The following HTATSF1 variants were observed in gnomAD, a reference collection of about 807,000 sequenced individuals.
The protein encoded by HTATSF1 is 17S U2 SnRNP complex component HTATSF1.
A neutral mutation model predicts 46.1 loss-of-function variants in HTATSF1; 6 were observed. The observed-to-expected ratio is 0.13, with a 90% confidence interval of 0.07 to 0.26. The LOEUF is 0.26. Among genes scored for constraint, HTATSF1 ranks in the 10% least tolerant of loss-of-function variants. HTATSF1 has a pLI of 1.00. For missense variants in HTATSF1, 452 were observed against 559.9 expected (o/e 0.81, Z 1.94); for synonymous variants, 226 against 211.5 (o/e 1.07, Z -0.60).
rs1466678944 is a variant in HTATSF1, at chrX:136,497,764, A to G, written c.80A>G (p.Asp27Gly). 1 of 1,205,354 alleles carries G rather than the reference A, an allele frequency of 8.3e-7. No homozygotes were observed. The highest frequency in any genetic ancestry group is 1.1e-6 in the Non-Finnish European group (1 of 890,597). The change falls in exon 1 of 9, where the codon GAT becomes GGT. Residue 27 changes from aspartate to glycine, a missense_variant. By Grantham distance (94) the Asp-to-Gly change is moderately conservative. Transcript: ENST00000218364. ...CAAGAATTGTACGGAGACGGCAAGG[A>G]TGGTGACACCCAGACCGATGCCGGC... is the stretch of plus-strand genomic sequence containing the variant. ...RMQELYGDGK[D>G]GDTQTDAGGE...
At chrX:136,510,056 CT>C in intron 7 of HTATSF1, 25 bp from the exon 8 acceptor site, 10 of 1,172,443 alleles carry the variant, frequency 8.5e-6, no homozygotes, top group Middle Eastern at 2.4e-4. Flanking sequence ...TCATTCATTC[CT>C]TTTTTTTCTT....
At chrX:136,497,580 C>A, upstream of HTATSF1, 1 of 665,890 alleles carries the variant, frequency 1.5e-6, no homozygotes, top group Non-Finnish European at 2.1e-6. Flanking sequence ...CGGGGGGCGG[C>A]GGGGCGCGAG....
At chrX:136,505,225 A>G (rs776175846) in intron 6 of HTATSF1, among the ~76,000 whole-genome samples, 1 of 112,489 alleles carries the variant, frequency 8.9e-6, no homozygotes, top group African/African-American at 3.2e-5. Flanking sequence ...AAAAATGTTC[A>G]TAACGTAAAA....
chrX:136,499,757 G>A lies in HTATSF1; in HGVS notation c.346G>A (p.Glu116Lys), dbSNP rs1373260495. 3 of 1,173,075 alleles carry A rather than the reference G, an allele frequency of 2.6e-6. No homozygotes were observed. The highest frequency in any genetic ancestry group is 2.9e-5 in the Admixed American group (1 of 34,877). ...PEPTDARKKG[E>K]KRKAESGWFH... ...ACCCACTGATGCCAGAAAGAAGGGAGAAAAAAGAAAGGCTGAGTCAGGTAA... is the reference window on the plus strand; with the variant it reads ...ACCCACTGATGCCAGAAAGAAGGGAAAAAAAAGAAAGGCTGAGTCAGGTAA... Residue 116 changes from glutamate (E) to lysine (K), a missense_variant, in exon 2 of 9, where the codon GAA (glutamate) becomes AAA (lysine). Physicochemically the swap from Glu to Lys is moderately conservative, Grantham distance 56. Coordinates refer to ENST00000218364, the MANE Select transcript of HTATSF1 (RefSeq NM_014500.5).
intron 1 of HTATSF1, among the ~76,000 whole-genome samples, chrX:136,499,023 C>T (rs1038072971): frequency 8.9e-6 from 1 of 112,972 alleles, no homozygotes; most frequent in Non-Finnish European, 1.9e-5. Context: ...TAAAATATAA[C>T]GTCATTTAAT....
chrX:136,497,343 C>CGGCGGCGGCGGCGGT (rs1226066132), upstream of HTATSF1: 59 of 114,845 alleles, frequency 5.1e-4, no homozygotes, highest in Non-Finnish European at 8.8e-4. Context: ...CAGATCCGGT[C>CGGCGGCGGCGGCGGT]GGCGGCGGCG....
chrX:136,497,342 T>TCGGCGGCGGCGGCGGTGG (rs1423829358), upstream of HTATSF1: 5 of 115,142 alleles, frequency 4.3e-5, no homozygotes, highest in African/African-American at 9.7e-5. Flanking sequence ...TCAGATCCGG[T>TCGGCGGCGGCGGCGGTGG]CGGCGGCGGC....
intron 5 of HTATSF1, among the ~76,000 whole-genome samples, chrX:136,503,410 T>C (rs2148521170): frequency 8.9e-6 from 1 of 112,404 alleles, no homozygotes; most frequent in African/African-American, 3.2e-5. Context: ...GTTTGTTTAA[T>C]ATACTTTGAA....
At position 136,499,593 on chromosome X, in the gene HTATSF1, T is replaced by C. The variant is rs753231897; in HGVS notation, c.187-5T>C. ...CTGTCCGGGTCTGTTGAATTGCTTG[T>C]GTAGATTACTGAAGATTTCATTGCT... On this transcript the variant is annotated splice_polypyrimidine_tract_variant and splice_region_variant and intron_variant, in intron 1 of 8. Coordinates refer to ENST00000218364, the MANE Select transcript of HTATSF1 (RefSeq NM_014500.5). The C allele has an allele frequency of 4.3e-6, 5 of 1,157,268 alleles. No homozygotes were observed. The highest frequency in any genetic ancestry group is 5.7e-6 in the Non-Finnish European group (5 of 870,532).
chrX:136,499,474 A>G (rs1230760459), intron 1 of HTATSF1, 124 bp from the exon 2 acceptor site: 16 of 485,763 alleles, frequency 3.3e-5, no homozygotes, highest in East Asian at 1.6e-4. Context: ...AACTACAACT[A>G]TTATCCACAG....
intron 1 of HTATSF1, among the ~76,000 whole-genome samples, chrX:136,498,308 C>T (rs925190034): frequency 7.1e-5 from 8 of 111,892 alleles, no homozygotes; most frequent in African/African-American, 2.6e-4. Context: ...ACTAATTGAA[C>T]TTTCTTTGCA....
At position 136,511,607 on chromosome X, in the gene HTATSF1, A is replaced by G; in HGVS notation, c.1862A>G (p.Asp621Gly). 1.7e-6 allele frequency: 2 copies of G among 1,211,308 alleles called. No homozygotes were observed. Among genetic ancestry groups the G allele is most frequent in the Non-Finnish European group, 2.2e-6 (2 of 895,115 alleles). Residue 621 changes from aspartate to glycine, a missense_variant, in exon 9 of 9, where the codon GAC becomes GGC. Physicochemically the swap from Asp to Gly is moderately conservative, Grantham distance 94 (BLOSUM62 -1). This residue lies in a region of HTATSF1 where 246 missense variants were observed against 245.3 expected (regional missense o/e 1.00). Coordinates refer to ENST00000218364, the MANE Select transcript of HTATSF1 (RefSeq NM_014500.5). ...GAGGAAGGCTCTGAGAGAGAGTTTGACGAAGATTCAGATGAAAAGGAAGAA... is the reference window on the plus strand; with the variant it reads ...GAGGAAGGCTCTGAGAGAGAGTTTGGCGAAGATTCAGATGAAAAGGAAGAA... The part of the protein sequence containing the change: ...LDEEGSEREF[D>G]EDSDEKEEEE...
At position 136,511,921 on chromosome X, in the gene HTATSF1, A is replaced by G. The variant is rs1410615848; in HGVS notation, c.2176A>G (p.Thr726Ala). The stretch of plus-strand genomic sequence containing the variant: ...GTTTGACGATTCTGATGAGAGGGGG[A>G]CTTTGGGTGGTTTTGGGAGTGTTGA... ...KLFDDSDERG[T>A]LGGFGSVEEG... Residue 726 changes from threonine to alanine, a missense_variant, in exon 9 of 9, where the codon ACT becomes GCT. Coordinates refer to ENST00000218364, the MANE Select transcript of HTATSF1 (RefSeq NM_014500.5). 1.7e-6 allele frequency: 2 copies of G among 1,210,774 alleles called. No homozygotes were observed. Among genetic ancestry groups the G allele is most frequent in the South Asian group, 3.5e-5 (2 of 56,936 alleles).
intron 4 of HTATSF1, 58 bp downstream of exon 4, chrX:136,500,876 G>A (rs1006095604): frequency 3.9e-4 from 330 of 846,736 alleles, no homozygotes; most frequent in Non-Finnish European, 4.6e-4. Flanking sequence ...AGGAACCAGG[G>A]CTATAATTTC....
intron 1 of HTATSF1, 81 bp from the exon 2 acceptor site, chrX:136,499,517 T>C: frequency 5.3e-6 from 4 of 751,073 alleles, no homozygotes; most frequent in Non-Finnish European, 7.5e-6. Context: ...ATAACTATGC[T>C]GTAAAAACAC....
At chrX:136,510,768 C>T (rs751242088) in intron 8 of HTATSF1, 40 bp from the exon 9 acceptor site, 1 of 1,150,286 alleles carries the variant, frequency 8.7e-7, no homozygotes, top group Non-Finnish European at 1.2e-6. Flanking sequence ...TAACCTTTTG[C>T]CTGAAACTTA....
At chrX:136,504,548 T>C in intron 6 of HTATSF1, 85 bp downstream of exon 6, 10 of 654,877 alleles carry the variant, frequency 1.5e-5, no homozygotes, top group Non-Finnish European at 2.4e-5. Context: ...GCCTCATCTT[T>C]GTCTTGTCAC....
upstream of HTATSF1, chrX:136,497,481 G>A: frequency 4.6e-6 from 1 of 219,252 alleles, no homozygotes; most frequent in Admixed American, 7.4e-5. Context: ...CAGCGCGCGC[G>A]CGCGGTGGGC....
chrX:136,511,343 T>C lies in HTATSF1; in HGVS notation c.1598T>C (p.Val533Ala). 1 of 1,207,361 alleles carries C rather than the reference T, an allele frequency of 8.3e-7. No individual in the cohort carries two copies. Among genetic ancestry groups the C allele is most frequent in the East Asian group, 3.0e-5 (1 of 33,809 alleles). Residue 533 changes from valine to alanine, a missense_variant, in exon 9 of 9, where the codon GTT becomes GCT. This residue lies in a region of HTATSF1 where 246 missense variants were observed against 245.3 expected (regional missense o/e 1.00). Coordinates refer to ENST00000218364, the MANE Select transcript of HTATSF1 (RefSeq NM_014500.5). ...CTCAACAAGGAGTCTGAAGAGGAGG[T>C]TGGCCCCACAAAAGAGTCCGAAGAA... ...DDLNKESEEE[V>A]GPTKESEEDD...
Sources: allele counts gnomAD v4.1 joint callset (sites outside exome capture counted in the v4.1 genomes callset), GRCh38; gene constraint gnomAD v4.1.1; regional missense constraint gnomAD v4.1.1; transcripts MANE v1.5; gene names NCBI Gene and HGNC (gene_info 2026-07-23, HGNC 2026-07-21).